The following PLAG1 variants were observed in gnomAD, a reference collection of about 807,000 sequenced individuals.
The protein encoded by PLAG1 is PLAG1 zinc finger.
PLAG1 carries 7 observed loss-of-function variants against 35.5 expected under a neutral mutation model. That is an observed-to-expected ratio of 0.20 (90% CI 0.11 to 0.37). The LOEUF (loss-of-function observed/expected upper bound fraction) is 0.37, where lower values mean the gene tolerates loss of function less well. Among genes scored for constraint, PLAG1 ranks in the 10% least tolerant of loss-of-function variants. PLAG1 has a pLI of 1.00. For missense variants in PLAG1, 454 were observed against 602.8 expected, an observed-to-expected ratio of 0.75 and a Z score of 2.58; for synonymous variants, 229 against 225.4, an observed-to-expected ratio of 1.02 and a Z score of -0.14.
intron 1 of PLAG1, among the ~76,000 whole-genome samples, chr8:56,194,831 G>T (rs1812309210): frequency 6.6e-6 from 1 of 152,114 alleles, no homozygotes; most frequent in African/African-American, 2.4e-5. Flanking sequence ...AACCGTTTTG[G>T]TCTGGAGAAT....
chr8:56,206,079 T>A (rs1357047759), intron 1 of PLAG1, among the ~76,000 whole-genome samples: 2 of 151,992 alleles, frequency 1.3e-5, no homozygotes, highest in Non-Finnish European at 2.9e-5. Context: ...GCATTTTTTT[T>A]TAAGAGCAAA....
chr8:56,203,573 A>C (rs1192315422), intron 1 of PLAG1, among the ~76,000 whole-genome samples: 1 of 152,082 alleles, frequency 6.6e-6, no homozygotes, highest in African/African-American at 2.4e-5. Context: ...AGCCCTGAGA[A>C]TGCTCACGTT....
At chr8:56,190,707 TG>T (rs1204724994) in intron 1 of PLAG1, among the ~76,000 whole-genome samples, 2 of 151,282 alleles carry the variant, frequency 1.3e-5, no homozygotes, top group Non-Finnish European at 1.5e-5. Context: ...AAGGATCAGG[TG>T]GAGAGGGAAA....
chr8:56,176,174 G>A (rs929825113), intron 2 of PLAG1, among the ~76,000 whole-genome samples: 1 of 150,880 alleles, frequency 6.6e-6, no homozygotes, highest in Non-Finnish European at 1.5e-5. Context: ...CTCAGCCTCC[G>A]CAGCAGCTGG....
chr8:56,173,738 C>CT (rs1490655554), intron 2 of PLAG1, among the ~76,000 whole-genome samples: 1 of 152,112 alleles, frequency 6.6e-6, no homozygotes, highest in Non-Finnish European at 1.5e-5. Flanking sequence ...TCAGAATACC[C>CT]TTCTAGTTTT....
intron 2 of PLAG1, among the ~76,000 whole-genome samples, chr8:56,178,270 C>A (rs1016348391): frequency 6.6e-6 from 1 of 151,868 alleles, no homozygotes; most frequent in Non-Finnish European, 1.5e-5. Context: ...AAGGAGAAAA[C>A]CTGCATAAAT....
chr8:56,191,133 CT>C (rs2129230981), intron 1 of PLAG1, among the ~76,000 whole-genome samples: 1 of 152,290 alleles, frequency 6.6e-6, no homozygotes, highest in East Asian at 1.9e-4. Flanking sequence ...ACACGCGCTG[CT>C]TTTAGATCAC....
chr8:56,199,082 AG>A (rs1812468887), intron 1 of PLAG1, among the ~76,000 whole-genome samples: 1 of 152,242 alleles, frequency 6.6e-6, no homozygotes, highest in Admixed American at 6.5e-5. Context: ...AAGGTACCGC[AG>A]GAGTGGGAAC....
rs760429435 is a variant in PLAG1 at position 56,162,917 on chromosome 8, G to GA, written c.*3325dup. 155 of 215,524 alleles carry GA rather than the reference G, an allele frequency of 7.2e-4. No individual in the cohort carries two copies. The highest frequency in any genetic ancestry group is 1.2e-3 in the Non-Finnish European group (129 of 106,558). 13.4% of individuals were successfully genotyped at this position (215,524 alleles called of 1,614,324 possible). A position where few individuals can be genotyped will look rare whatever the true frequency, so the allele number is the denominator to read the frequency against. ...ACACAGCTTGAAAGAAACACTAAAT[G>GA]AAATAAAAAAGTTGCACACAGAGTG... On this transcript the variant is annotated 3_prime_UTR_variant, in exon 5 of 5. Transcript: ENST00000316981.
intron 2 of PLAG1, among the ~76,000 whole-genome samples, chr8:56,179,103 G>A (rs1006874376): frequency 6.8e-6 from 1 of 146,440 alleles, no homozygotes; most frequent in Non-Finnish European, 1.5e-5. Flanking sequence ...AGAGAAAGAA[G>A]AGCTTAAGAG....
rs147406612 is a variant in PLAG1, at chr8:56,196,308, T to C, written c.-322+14813A>G. Among the ~76,000 whole-genome samples, 18 of 152,286 alleles carry C rather than the reference T, an allele frequency of 1.2e-4. No homozygotes were observed. In the East Asian group the frequency reaches 3.3e-3, roughly 28 times the overall value. ...TGGTGATACACCAGCATTTACTGTA[T>C]TGGTTTAACCAAGGGGTTCTTCACT... is the stretch of plus-strand genomic sequence containing the variant. On this transcript the variant is annotated intron_variant, in intron 1 of 4. Coordinates refer to ENST00000316981, the MANE Select transcript of PLAG1 (RefSeq NM_002655.3).
At chr8:56,201,290 C>A (rs1812545384) in intron 1 of PLAG1, among the ~76,000 whole-genome samples, 1 of 152,096 alleles carries the variant, frequency 6.6e-6, no homozygotes, top group South Asian at 2.1e-4. Context: ...GAAATAAGAC[C>A]ATTCAAAAAT....
chr8:56,200,476 C>A (rs1218684006), intron 1 of PLAG1, among the ~76,000 whole-genome samples: 1 of 152,224 alleles, frequency 6.6e-6, no homozygotes, highest in African/African-American at 2.4e-5. Flanking sequence ...GCTAGTCTTA[C>A]ATCCATGGGG....
intron 2 of PLAG1, chr8:56,178,133 A>G (rs1811763365): frequency 3.6e-6 from 1 of 277,700 alleles, no homozygotes; most frequent in African/African-American, 2.3e-5. Flanking sequence ...TATGGGAAGG[A>G]AAAAGGAACA....
At chr8:56,192,923 T>G (rs1249909119) in intron 1 of PLAG1, among the ~76,000 whole-genome samples, 1 of 152,098 alleles carries the variant, frequency 6.6e-6, no homozygotes, top group African/African-American at 2.4e-5. Flanking sequence ...AAAACCCGTT[T>G]CTTTAACAAA....
At chr8:56,205,285 C>T (rs1289291593) in intron 1 of PLAG1, among the ~76,000 whole-genome samples, 2 of 151,736 alleles carry the variant, frequency 1.3e-5, no homozygotes, top group Non-Finnish European at 3.0e-5. Flanking sequence ...CACGAAGACA[C>T]ACATTCAAAA....
chr8:56,206,227 T>C lies in PLAG1; in HGVS notation c.-322+4894A>G, dbSNP rs367733331. Reference sequence around the variant, plus strand: ...GGCAGGGATAGCTATAAACAGTGAGTATAATGCAAACCTCTGGACAGCAGA... The same window carrying C: ...GGCAGGGATAGCTATAAACAGTGAGCATAATGCAAACCTCTGGACAGCAGA... On this transcript the variant is annotated intron_variant, in intron 1 of 4. Coordinates refer to ENST00000316981, the MANE Select transcript of PLAG1 (RefSeq NM_002655.3). 3.3e-4 allele frequency among the ~76,000 whole-genome samples: 50 copies of C among 152,074 alleles called. 1 individual carries two copies. The South Asian group carries it at 0.01, about 32-fold the overall frequency.
chr8:56,185,631 T>C (rs777079222), intron 1 of PLAG1, among the ~76,000 whole-genome samples: 18 of 152,300 alleles, frequency 1.2e-4, no homozygotes, highest in Non-Finnish European at 2.1e-4. Flanking sequence ...GAAAAGGATA[T>C]ATATCTAGGC....
At chr8:56,173,589 T>TAA (rs34522063) in intron 2 of PLAG1, among the ~76,000 whole-genome samples, 32 of 146,696 alleles carry the variant, frequency 2.2e-4, no homozygotes, top group Middle Eastern at 3.5e-3. Flanking sequence ...CTTTTCTACT[T>TAA]AAAAAAAAAA....
Sources: allele counts gnomAD v4.1 joint callset (sites outside exome capture counted in the v4.1 genomes callset), GRCh38; gene constraint gnomAD v4.1.1; transcripts MANE v1.5; gene names NCBI Gene and HGNC (gene_info 2026-07-23, HGNC 2026-07-21).